SPOCK3: variants seen among roughly 807,000 people sequenced by gnomAD.
SPOCK3 encodes testican-3.
A neutral mutation model predicts 56.6 loss-of-function variants in SPOCK3; 30 were observed. That is an observed-to-expected ratio of 0.53 (90% CI 0.40 to 0.72). The LOEUF is 0.72. Among genes scored for constraint, SPOCK3 ranks in the 30% least tolerant of loss-of-function variants. SPOCK3 has a pLI of 0.00. For synonymous variants in SPOCK3, 196 were observed against 183.3 expected (o/e 1.07, Z -0.56); for missense variants, 527 against 530.0 (o/e 0.99, Z 0.06).
At chr4:167,216,999 T>G (rs1477541364) in intron 2 of SPOCK3, among the ~76,000 whole-genome samples, 1 of 152,064 alleles carries the variant, frequency 6.6e-6, no homozygotes, top group African/African-American at 2.4e-5. Flanking sequence ...AGACTAGAGA[T>G]AAACTACATT....
intron 3 of SPOCK3, among the ~76,000 whole-genome samples, chr4:167,048,774 T>A (rs925029165): frequency 6.6e-6 from 1 of 152,196 alleles, no homozygotes; most frequent in Non-Finnish European, 1.5e-5. Flanking sequence ...AGTCATAGTA[T>A]ATTTATTTAT....
intron 7 of SPOCK3, among the ~76,000 whole-genome samples, chr4:166,778,883 A>G (rs1472446896): frequency 6.6e-6 from 1 of 152,126 alleles, no homozygotes; most frequent in Non-Finnish European, 1.5e-5. Context: ...CAAGGTAGCA[A>G]TAACACTGGT....
intron 6 of SPOCK3, among the ~76,000 whole-genome samples, chr4:166,855,781 G>C (rs187484995): frequency 6.6e-6 from 1 of 152,184 alleles, no homozygotes; most frequent in East Asian, 1.9e-4. Context: ...GATTCATTAG[G>C]TGTGGGGAGG....
chr4:166,948,922 A>T (rs535889410), intron 4 of SPOCK3, among the ~76,000 whole-genome samples: 158 of 152,166 alleles, frequency 1.0e-3, no homozygotes, highest in African/African-American at 3.5e-3. Flanking sequence ...CTCCTGGATA[A>T]TATCCTGCAG....
intron 4 of SPOCK3, among the ~76,000 whole-genome samples, chr4:166,991,591 C>T (rs1281559592): frequency 1.3e-5 from 2 of 151,844 alleles, no homozygotes; most frequent in Non-Finnish European, 2.9e-5. Context: ...GCTCATCTCA[C>T]ACTCATGGCC....
intron 3 of SPOCK3, among the ~76,000 whole-genome samples, chr4:167,031,052 G>A (rs1204266542): frequency 6.6e-6 from 1 of 151,980 alleles, no homozygotes; most frequent in South Asian, 2.1e-4. Context: ...TACATTTAAT[G>A]AGTAAACAAC....
At chr4:167,078,144 T>C (rs1757363868) in intron 2 of SPOCK3, among the ~76,000 whole-genome samples, 1 of 151,860 alleles carries the variant, frequency 6.6e-6, no homozygotes. Flanking sequence ...TTAGGTAAGA[T>C]GTTTCATGCA....
At chr4:166,764,085 G>C (rs1737617842) in intron 7 of SPOCK3, among the ~76,000 whole-genome samples, 1 of 151,974 alleles carries the variant, frequency 6.6e-6, no homozygotes, top group Admixed American at 6.6e-5. Context: ...TTTCCACCTA[G>C]CCACCATCCA....
At chr4:167,038,128 T>C (rs576609436) in intron 3 of SPOCK3, among the ~76,000 whole-genome samples, 12 of 152,260 alleles carry the variant, frequency 7.9e-5, no homozygotes, top group Admixed American at 4.6e-4. Context: ...ATTCCTATAA[T>C]ACAGCATGAT....
chr4:166,890,912 A>G (rs1260397666), intron 5 of SPOCK3, among the ~76,000 whole-genome samples: 1 of 152,100 alleles, frequency 6.6e-6, no homozygotes, highest in South Asian at 2.1e-4. Context: ...GTCTCTAAGA[A>G]CTTGTTTTAT....
chr4:166,754,471 G>T (rs1736804367), intron 8 of SPOCK3, 37 bp downstream of exon 8: 24 of 1,579,384 alleles, frequency 1.5e-5, no homozygotes, highest in Non-Finnish European at 2.0e-5. Context: ...TGACATGCAG[G>T]TCAACTATTT....
At position 166,889,197 on chromosome 4, in the gene SPOCK3, G is replaced by A; in HGVS notation, c.522C>T (p.Val174=). ...QACVLGKQIS[V]KCEGHCPCPS... Reference sequence around the variant, plus strand: ...GACATGGGCAATGTCCTTCACATTTGACTGAGATCTGTTTTCCTAAGACAC... The same window carrying A: ...GACATGGGCAATGTCCTTCACATTTAACTGAGATCTGTTTTCCTAAGACAC... The change falls in exon 6 of 11, where the codon GTC becomes GTT. Residue 174 remains valine (V), a synonymous_variant. Coordinates refer to ENST00000357545, the MANE Select transcript of SPOCK3 (RefSeq NM_001040159.2). 6.2e-7 allele frequency: 1 copy of A among 1,611,908 alleles called. No homozygotes were observed. Among genetic ancestry groups the A allele is most frequent in the Non-Finnish European group, 8.5e-7 (1 of 1,178,716 alleles).
chr4:167,181,846 T>G (rs987495988), intron 2 of SPOCK3, among the ~76,000 whole-genome samples: 1 of 152,198 alleles, frequency 6.6e-6, no homozygotes, highest in Non-Finnish European at 1.5e-5. Context: ...TATATTTTTC[T>G]TCATTTCAAT....
chr4:167,005,927 AT>A (rs34307912), intron 3 of SPOCK3, among the ~76,000 whole-genome samples: 193 of 152,042 alleles, frequency 1.3e-3, no homozygotes, highest in Middle Eastern at 3.4e-3. Flanking sequence ...CAGAATTATA[AT>A]TTTTTTTACA....
chr4:166,803,387 AT>A (rs1742823559), intron 6 of SPOCK3, among the ~76,000 whole-genome samples: 3 of 152,150 alleles, frequency 2.0e-5, no homozygotes, highest in African/African-American at 7.2e-5. Flanking sequence ...AGTTGAATAG[AT>A]GAGTCTCCGA....
intron 2 of SPOCK3, among the ~76,000 whole-genome samples, chr4:167,107,291 A>C (rs1158298611): frequency 6.6e-6 from 1 of 152,004 alleles, no homozygotes; most frequent in African/African-American, 2.4e-5. Flanking sequence ...ACACATTGAA[A>C]AGATCATTAG....
intron 2 of SPOCK3, among the ~76,000 whole-genome samples, chr4:167,228,223 T>A (rs538271750): frequency 3.7e-4 from 57 of 152,248 alleles, no homozygotes; most frequent in African/African-American, 1.3e-3. Context: ...CAACTTGACA[T>A]ACACACATAA....
At chr4:167,057,650 A>G (rs913019425) in intron 3 of SPOCK3, among the ~76,000 whole-genome samples, 23 of 152,284 alleles carry the variant, frequency 1.5e-4, no homozygotes, top group African/African-American at 5.5e-4. Context: ...GTCTCTGATA[A>G]AACAGACTTT....
At chr4:166,824,429 T>C (rs1325654673) in intron 6 of SPOCK3, among the ~76,000 whole-genome samples, 1 of 152,084 alleles carries the variant, frequency 6.6e-6, no homozygotes, top group Admixed American at 6.6e-5. Context: ...GTATTTCTTC[T>C]CTCTCTAGTA....
Sources: allele counts gnomAD v4.1 joint callset (sites outside exome capture counted in the v4.1 genomes callset), GRCh38; gene constraint gnomAD v4.1.1; transcripts MANE v1.5; gene names NCBI Gene and HGNC (gene_info 2026-07-23, HGNC 2026-07-21).